The following CD101 variants were observed in gnomAD, a reference collection of about 807,000 sequenced individuals.
CD101 encodes the protein immunoglobulin superfamily member 2.
In CD101, 76 loss-of-function variants were observed where a neutral mutation model predicts 98.2. That is an observed-to-expected ratio of 0.77 (90% CI 0.64 to 0.94). The LOEUF is 0.94. Ranked by LOEUF, CD101 falls within the 40% of genes least tolerant of loss-of-function variation. CD101 has a pLI of 0.00. For synonymous variants in CD101, 471 were observed against 472.7 expected (o/e 1.00, Z 0.05); for missense variants, 1,145 against 1,218.8 (o/e 0.94, Z 0.90).
In CD101 at chr1:117,013,798, T is replaced by C. The variant is rs746443611; in HGVS notation, c.1228+6T>C. ...GCACCTGAGGAAGCCAGCAGGTACG[T>C]AAAGTCAAGGCCAGGCATGCATTGG... On this transcript the variant is annotated splice_donor_region_variant and intron_variant, in intron 4 of 9. Transcript: ENST00000682167. 9 of 1,605,466 alleles carry C rather than the reference T, an allele frequency of 5.6e-6. No homozygotes were observed. The highest frequency in any genetic ancestry group is 7.7e-6 in the Non-Finnish European group (9 of 1,176,348).
In CD101 at chr1:117,004,495, T is replaced by A. The variant is rs1652419465; in HGVS notation, c.43+2635T>A. On this transcript the variant is annotated intron_variant, in intron 1 of 9. Coordinates refer to ENST00000682167, the MANE Select transcript of CD101 (RefSeq NM_001256106.3). The surrounding 1 kb of genome is among the most constrained non-coding windows in gnomAD (Gnocchi z 4.1). ...GTCAATACCATCGAGGAATTTTTGG[T>A]GTTTTGAAAGCATGATTCTAATGTT... is the stretch of plus-strand genomic sequence containing the variant. Among the ~76,000 whole-genome samples, 1 of 152,182 alleles carries A rather than the reference T, an allele frequency of 6.6e-6. No homozygotes were observed. Among genetic ancestry groups the A allele is most frequent in the Admixed American group, 6.5e-5 (1 of 15,276 alleles).
Position 117,023,167 on chromosome 1 carries a change from A to G in CD101, c.2428+1184A>G, listed in dbSNP as rs1653682283. Among the ~76,000 whole-genome samples the G allele has an allele frequency of 6.6e-6, 1 of 152,170 alleles. No individual in the cohort carries two copies. Among genetic ancestry groups the G allele is most frequent in the Non-Finnish European group, 1.5e-5 (1 of 68,022 alleles). On this transcript the variant is annotated intron_variant, in intron 7 of 9. Transcript: ENST00000682167. This position sits in a 1 kb window ranked among gnomAD's most constrained non-coding sequence, Gnocchi z 4.4. ...CTAAATTGCACTTAGCATCTCTGCC[A>G]TCTCACCATGCTCATTTGCACTTCT...
At position 117,022,004 on chromosome 1, in the gene CD101, C is replaced by G. The variant is rs765963967; in HGVS notation, c.2428+21C>G. ...CACAGGTAAACCTTGCGAGTGTATCCTCACAATGTCTGTCTGTCTGACGGC... is the reference window on the plus strand; with the variant it reads ...CACAGGTAAACCTTGCGAGTGTATCGTCACAATGTCTGTCTGTCTGACGGC... On this transcript the variant is annotated intron_variant, in intron 7 of 9. Coordinates refer to ENST00000682167, the MANE Select transcript of CD101 (RefSeq NM_001256106.3). The surrounding 1 kb of genome is among the most constrained non-coding windows in gnomAD (Gnocchi z 4.8). 3.2e-6 allele frequency: 5 copies of G among 1,575,890 alleles called. No individual in the cohort carries two copies. Among genetic ancestry groups the G allele is most frequent in the Non-Finnish European group, 4.3e-6 (5 of 1,162,974 alleles).
intron 9 of CD101, among the ~76,000 whole-genome samples, chr1:117,034,564 C>G (rs1288983006): frequency 1.1e-4 from 17 of 152,182 alleles, no homozygotes; most frequent in Admixed American, 1.1e-3. Flanking sequence ...GTAACATGCT[C>G]TTTGTTTACC....
chr1:117,034,098 C>G lies in CD101; in HGVS notation c.3063C>G (p.Asn1021Lys), dbSNP rs1654648188. The G allele has an allele frequency of 6.2e-7, 1 of 1,613,980 alleles. No individual in the cohort carries two copies. The highest frequency in any genetic ancestry group is 8.5e-7 in the Non-Finnish European group (1 of 1,180,002). The change falls in exon 9 of 10, where the codon AAC (asparagine) becomes AAG (lysine). Residue 1021 changes from asparagine (N) to lysine (K), a missense_variant. By Grantham distance (94) the Asn-to-Lys change is moderately conservative. Transcript: ENST00000682167. ...RREDEEEDEG[N>K] ...AAGACGAGGAGGAAGATGAAGGCAA[C>G]TGAATCCCAAGAGGCACCTGCAGCC...
chr1:117,004,761 A>G lies in CD101; in HGVS notation c.43+2901A>G, dbSNP rs79668407. Among the ~76,000 whole-genome samples the G allele has an allele frequency of 0.039, 5,865 of 151,754 alleles. 399 individuals carry two copies. Among genetic ancestry groups the G allele is most frequent in the African/African-American group, 0.14 (5,614 of 41,326 alleles). On this transcript the variant is annotated intron_variant, in intron 1 of 9. Coordinates refer to ENST00000682167, the MANE Select transcript of CD101 (RefSeq NM_001256106.3). This position sits in a 1 kb window ranked among gnomAD's most constrained non-coding sequence, Gnocchi z 4.1. ...TTGATCTCTGCCAGTCATGCCTTCT[A>G]CCTGAAAAATACCTTTGAAATCTCC...
chr1:117,024,102 A>G (rs1284907361), intron 7 of CD101, among the ~76,000 whole-genome samples: 1 of 152,250 alleles, frequency 6.6e-6, no homozygotes, highest in Non-Finnish European at 1.5e-5. Context: ...GTGCTACTCC[A>G]TGAAGGAAAG....
intron 8 of CD101, among the ~76,000 whole-genome samples, chr1:117,028,683 C>T (rs1376341208): frequency 6.6e-6 from 1 of 152,118 alleles, no homozygotes; most frequent in Non-Finnish European, 1.5e-5. Context: ...GGTGGTACCA[C>T]AGACACTAAA....
intron 4 of CD101, among the ~76,000 whole-genome samples, chr1:117,014,224 TGTG>T (rs1653069469): frequency 7.3e-6 from 1 of 137,320 alleles, no homozygotes; most frequent in Non-Finnish European, 1.6e-5. Context: ...TGTGTGTGTG[TGTG>T]TGATATGAAT....
intron 3 of CD101, 141 bp from the exon 4 acceptor site, chr1:117,013,262 TGGG>T: frequency 3.2e-6 from 3 of 951,532 alleles, no homozygotes; most frequent in African/African-American, 1.6e-5. Flanking sequence ...TTGTTTTTTT[TGGG>T]TTTACCTACC....
chr1:117,001,858 T>G lies in CD101; in HGVS notation c.41T>G (p.Leu14Arg). 1.2e-6 allele frequency: 2 copies of G among 1,613,874 alleles called. No individual in the cohort carries two copies. The highest frequency in any genetic ancestry group is 8.5e-7 in the Non-Finnish European group (1 of 1,179,714). The change falls in exon 1 of 10, where the codon CTG (leucine) becomes CGG (arginine). Residue 14 changes from leucine to arginine, a missense_variant and splice_region_variant. Leu to Arg is a moderately radical substitution (Grantham distance 102). Coordinates refer to ENST00000682167, the MANE Select transcript of CD101 (RefSeq NM_001256106.3). ...ISYVASFFLL[L>R]TKLSIGQREV... ...TATGTGGCATCTTTCTTTCTCCTTC[T>G]GAGTAAGTTTCATAATCCTTTATGT... is the stretch of plus-strand genomic sequence containing the variant.
intron 4 of CD101, among the ~76,000 whole-genome samples, chr1:117,014,819 A>T (rs909854181): frequency 1.3e-5 from 2 of 152,348 alleles, no homozygotes; most frequent in South Asian, 4.1e-4. Flanking sequence ...AGGAATGAAG[A>T]TGCACCGATT....
At chr1:117,017,021 T>G (rs945547940) in intron 4 of CD101, 69 bp from the exon 5 acceptor site, 1 of 1,509,166 alleles carries the variant, frequency 6.6e-7, no homozygotes, top group Non-Finnish European at 9.0e-7. Flanking sequence ...TAATGAAATT[T>G]CACTGTATTT....
In CD101 at chr1:117,017,478, G is replaced by A. The variant is rs1407102992; in HGVS notation, c.1612+5G>A. 9 of 1,601,388 alleles carry A rather than the reference G, an allele frequency of 5.6e-6. No homozygotes were observed. Among genetic ancestry groups the A allele is most frequent in the Non-Finnish European group, 7.7e-6 (9 of 1,172,224 alleles). ...CAGTTACTGTAAAGTCTCTGGGTAA[G>A]TGTCAAAGGAAGTCCTTTTCTGCAC... On this transcript the variant is annotated splice_donor_5th_base_variant and intron_variant, in intron 5 of 9. Transcript: ENST00000682167.
Position 117,005,775 on chromosome 1 carries a change from G to C in CD101, c.43+3915G>C, listed in dbSNP as rs553184176. Among the ~76,000 whole-genome samples the C allele has an allele frequency of 1.6e-4, 24 of 152,212 alleles. No individual in the cohort carries two copies. Among genetic ancestry groups the C allele is most frequent in the Admixed American group, 1.3e-3 (20 of 15,284 alleles). The stretch of plus-strand genomic sequence containing the variant: ...TACAGGAGCCAACAAGAAACAATGG[G>C]GACAGCCATGGATTTGGCATTTGCA... On this transcript the variant is annotated intron_variant, in intron 1 of 9. Coordinates refer to ENST00000682167, the MANE Select transcript of CD101 (RefSeq NM_001256106.3). The surrounding 1 kb of genome is among the most constrained non-coding windows in gnomAD (Gnocchi z 4.4).
At chr1:117,011,156 G>A (rs978841099) in intron 2 of CD101, among the ~76,000 whole-genome samples, 4 of 152,200 alleles carry the variant, frequency 2.6e-5, no homozygotes, top group Non-Finnish European at 4.4e-5. Flanking sequence ...AGAGGAGCAG[G>A]TTAAGGCCCA....
chr1:117,006,879 A>G lies in CD101; in HGVS notation c.44-2971A>G, dbSNP rs1652566466. 6.6e-6 allele frequency among the ~76,000 whole-genome samples: 1 copy of G among 152,220 alleles called. No homozygotes were observed. The highest frequency in any genetic ancestry group is 2.4e-5 in the African/African-American group (1 of 41,452). ...GTCCCTCAAGCATGAGAAATACTAT[A>G]AGTGGTTGAATAAATATTTATTGAA... On this transcript the variant is annotated intron_variant, in intron 1 of 9. Coordinates refer to ENST00000682167, the MANE Select transcript of CD101 (RefSeq NM_001256106.3). The surrounding 1 kb of genome is among the most constrained non-coding windows in gnomAD (Gnocchi z 4.4).
intron 7 of CD101, among the ~76,000 whole-genome samples, chr1:117,024,188 G>A (rs1653758182): frequency 6.6e-6 from 1 of 152,198 alleles, no homozygotes. Context: ...ATTAATAAAT[G>A]TGTTTGAGTC....
chr1:117,032,464 T>G (rs1256372178), intron 8 of CD101: 2 of 152,240 alleles, frequency 1.3e-5, no homozygotes, highest in Non-Finnish European at 2.9e-5. Context: ...GAGATGTTCT[T>G]TAACATGTAG....
Sources: allele counts gnomAD v4.1 joint callset (sites outside exome capture counted in the v4.1 genomes callset), GRCh38; gene constraint gnomAD v4.1.1; non-coding constraint Gnocchi (gnomAD v3.1); transcripts MANE v1.5; gene names NCBI Gene and HGNC (gene_info 2026-07-23, HGNC 2026-07-21).